RAP1B: variants seen among roughly 807,000 people sequenced by gnomAD.
RAP1B encodes the protein RAP1B, member of RAS oncogene family, also known as ras-related protein Rap-1b.
A neutral mutation model predicts 27.5 loss-of-function variants in RAP1B; 1 was observed. The observed-to-expected ratio is 0.04, with a 90% confidence interval of 0.01 to 0.17. RAP1B has a LOEUF of 0.17. Among genes scored for constraint, RAP1B ranks in the 10% least tolerant of loss-of-function variants. RAP1B has a pLI of 1.00. For synonymous variants in RAP1B, 75 were observed against 73.1 expected (o/e 1.03, Z -0.13); for missense variants, 84 against 214.8 (o/e 0.39, Z 3.81).
In RAP1B at chr12:68,667,459, G is replaced by A. The variant is rs569535186; in HGVS notation, c.*8210G>A. ...GTACACTGAACATTTGAGGAAGTTA[G>A]AGATTAATTCAACCCAGTGGGTTTT... On this transcript the variant is annotated 3_prime_UTR_variant, in exon 8 of 8. Transcript: ENST00000250559. 3 of 152,326 alleles carry A rather than the reference G, an allele frequency of 2.0e-5. No individual in the cohort carries two copies. The highest frequency in any genetic ancestry group is 7.2e-5 in the African/African-American group (3 of 41,572). The allele number at this position is 152,326 out of a possible 1,614,324, so 9.4% of individuals were successfully genotyped here.
In RAP1B at chr12:68,610,996, G is replaced by A. The variant is rs567633690; in HGVS notation, c.-74G>A. ...TGGCGCCTAGAGTAGCGACCCGGGG[G>A]GAGCGCGGGGCGACGCTGGCTGCAG... On this transcript the variant is annotated 5_prime_UTR_variant, in exon 1 of 8. Transcript: ENST00000250559. 4.4e-4 allele frequency: 144 copies of A among 325,444 alleles called. No individual in the cohort carries two copies. In the East Asian group the frequency reaches 5.6e-3, roughly 13 times the overall value. 20.2% of individuals were successfully genotyped at this position (325,444 alleles called of 1,614,324 possible). A position where few individuals can be genotyped will look rare whatever the true frequency, so the allele number is the denominator to read the frequency against.
At chr12:68,615,473 G>A (rs1229755289) in intron 1 of RAP1B, among the ~76,000 whole-genome samples, 10 of 151,712 alleles carry the variant, frequency 6.6e-5, no homozygotes. Context: ...CCTGTAATCC[G>A]AGCTGCTTGG....
chr12:68,657,276 G>A, intron 7 of RAP1B, 59 bp downstream of exon 7: 1 of 1,076,156 alleles, frequency 9.3e-7, no homozygotes, highest in East Asian at 2.5e-5. Context: ...AGGGCACTCT[G>A]TCATGAAAGC....
chr12:68,614,082 AAAGATTGATAACATGGT>A (rs1286191940), intron 1 of RAP1B, among the ~76,000 whole-genome samples: 5 of 152,266 alleles, frequency 3.3e-5, no homozygotes, highest in Non-Finnish European at 7.3e-5. Context: ...AGGTCTATGC[AAAGATTGATAACATGGT>A]AACTGATTAG....
rs1026013144 is a variant in RAP1B, at chr12:68,662,712, T to G, written c.*3463T>G. 1 of 152,224 alleles carries G rather than the reference T, an allele frequency of 6.6e-6. No homozygotes were observed. The highest frequency in any genetic ancestry group is 6.5e-5 in the Admixed American group (1 of 15,284). 9.4% of individuals were successfully genotyped at this position (152,224 alleles called of 1,614,324 possible). A position where few individuals can be genotyped will look rare whatever the true frequency, so the allele number is the denominator to read the frequency against. On this transcript the variant is annotated 3_prime_UTR_variant, in exon 8 of 8. Coordinates refer to ENST00000250559, the MANE Select transcript of RAP1B (RefSeq NM_001010942.3). ...ATTACCTTAGAAGCCTTAAAAGTGC[T>G]TGCAGGCTTGTCTCATAATCTGTCA...
At chr12:68,622,970 G>A (rs1349320680) in intron 1 of RAP1B, among the ~76,000 whole-genome samples, 1 of 152,068 alleles carries the variant, frequency 6.6e-6, no homozygotes, top group Admixed American at 6.5e-5. Context: ...CAAAGTGCTG[G>A]GATTTACAGG....
intron 2 of RAP1B, chr12:68,648,992 T>C: frequency 2.0e-6 from 1 of 492,840 alleles, no homozygotes. Flanking sequence ...TGACACGAGT[T>C]ATGCTGGAAT....
In RAP1B at chr12:68,670,395, T is replaced by C. The variant is rs1875039751; in HGVS notation, c.*11146T>C. The C allele has an allele frequency of 6.6e-6, 1 of 152,186 alleles. No individual in the cohort carries two copies. The highest frequency in any genetic ancestry group is 6.5e-5 in the Admixed American group (1 of 15,274). 9.4% of individuals were successfully genotyped at this position (152,186 alleles called of 1,614,324 possible). The stretch of plus-strand genomic sequence containing the variant: ...CTATAAAGTAAAACAGTAGAAGTCT[T>C]AGAAGAAAATCTAAGAGACTAGAAA... On this transcript the variant is annotated 3_prime_UTR_variant, in exon 8 of 8. Transcript: ENST00000250559.
intron 1 of RAP1B, among the ~76,000 whole-genome samples, chr12:68,619,597 T>C (rs971241073): frequency 5.3e-5 from 8 of 152,228 alleles, no homozygotes; most frequent in African/African-American, 1.9e-4. Flanking sequence ...AAGACCAGTA[T>C]CCAGATTTAT....
At chr12:68,642,886 C>A (rs949919791) in intron 1 of RAP1B, 6 of 973,052 alleles carry the variant, frequency 6.2e-6, no homozygotes, top group African/African-American at 3.1e-5. Context: ...AGGTGAGGGT[C>A]TCATTCCAGG....
At chr12:68,616,264 T>G (rs1870998048) in intron 1 of RAP1B, among the ~76,000 whole-genome samples, 1 of 148,594 alleles carries the variant, frequency 6.7e-6, no homozygotes, top group South Asian at 2.2e-4. Flanking sequence ...GCCCGGCCTT[T>G]GTTTTTTTGT....
rs1025902560 is a variant in RAP1B at position 68,665,113 on chromosome 12, G to A, written c.*5864G>A. 6.6e-6 allele frequency: 1 copy of A among 152,242 alleles called. No individual in the cohort carries two copies. The highest frequency in any genetic ancestry group is 1.5e-5 in the Non-Finnish European group (1 of 68,060). 9.4% of individuals were successfully genotyped at this position (152,242 alleles called of 1,614,324 possible). ...GAGGCCAGCATGGATAACATAGGGA[G>A]ACCCTGTCACTTGACAAAAGTATCT... On this transcript the variant is annotated 3_prime_UTR_variant, in exon 8 of 8. Coordinates refer to ENST00000250559, the MANE Select transcript of RAP1B (RefSeq NM_001010942.3).
intron 6 of RAP1B, 92 bp downstream of exon 6, chr12:68,656,541 C>T: frequency 7.7e-7 from 1 of 1,292,476 alleles, no homozygotes; most frequent in African/African-American, 1.5e-5. Flanking sequence ...AATATGTACT[C>T]AGGGTAATAT....
chr12:68,618,913 G>T (rs1592420608), intron 1 of RAP1B, among the ~76,000 whole-genome samples: 1 of 152,154 alleles, frequency 6.6e-6, no homozygotes, highest in East Asian at 1.9e-4. Context: ...GCTAAGTCCA[G>T]CTTGGGCAAT....
chr12:68,667,508 A>G lies in RAP1B; in HGVS notation c.*8259A>G, dbSNP rs1565678941. The stretch of plus-strand genomic sequence containing the variant: ...TTGGGGTTTTTATATGTGTTAGTAC[A>G]TTCAGCGTTAGGGTTGGGTTTCTTG... On this transcript the variant is annotated 3_prime_UTR_variant, in exon 8 of 8. Coordinates refer to ENST00000250559, the MANE Select transcript of RAP1B (RefSeq NM_001010942.3). 6.6e-6 allele frequency: 1 copy of G among 152,230 alleles called. No individual in the cohort carries two copies. Among genetic ancestry groups the G allele is most frequent in the East Asian group, 1.9e-4 (1 of 5,200 alleles). 9.4% of individuals were successfully genotyped at this position (152,230 alleles called of 1,614,324 possible). A position where few individuals can be genotyped will look rare whatever the true frequency, so the allele number is the denominator to read the frequency against.
At chr12:68,654,402 C>T in intron 5 of RAP1B, 150 bp downstream of exon 5, 1 of 601,898 alleles carries the variant, frequency 1.7e-6, no homozygotes, top group Non-Finnish European at 2.9e-6. Flanking sequence ...GGCAAAAATA[C>T]CCATACATGT....
Position 68,646,927 on chromosome 12 carries a change from T to G in RAP1B, c.-26-1772T>G, listed in dbSNP as rs1355399942. On this transcript the variant is annotated intron_variant, in intron 1 of 7. Transcript: ENST00000250559. Reference sequence around the variant, plus strand: ...GTAGATTTTTTCGGATTACCAATTTTCCATTTTAGGTTTCCTATTTCAGAC... The same window carrying G: ...GTAGATTTTTTCGGATTACCAATTTGCCATTTTAGGTTTCCTATTTCAGAC... Among the ~76,000 whole-genome samples the G allele has an allele frequency of 2.0e-5, 3 of 152,366 alleles. No homozygotes were observed. The East Asian group carries it at 5.8e-4, about 29-fold the overall frequency.
At chr12:68,632,142 TTTTG>T (rs1297001938) in intron 1 of RAP1B, among the ~76,000 whole-genome samples, 1 of 135,352 alleles carries the variant, frequency 7.4e-6, no homozygotes, top group Non-Finnish European at 1.6e-5. Context: ...TTTTTTTTTT[TTTTG>T]TTTGTTTTTT....
intron 7 of RAP1B, among the ~76,000 whole-genome samples, chr12:68,658,552 G>A (rs565979599): frequency 2.6e-5 from 4 of 152,128 alleles, no homozygotes; most frequent in South Asian, 4.1e-4. Flanking sequence ...TTTTTTAGCC[G>A]AGGCATGTAT....
Sources: allele counts gnomAD v4.1 joint callset (sites outside exome capture counted in the v4.1 genomes callset), GRCh38; gene constraint gnomAD v4.1.1; transcripts MANE v1.5; gene names NCBI Gene and HGNC (gene_info 2026-07-23, HGNC 2026-07-21).